FOXO3: variants seen among roughly 807,000 people sequenced by gnomAD.
The protein encoded by FOXO3 is forkhead box O3.
A neutral mutation model predicts 41.9 loss-of-function variants in FOXO3; 4 were observed. The observed-to-expected ratio is 0.10, with a 90% CI of 0.05 to 0.22. The LOEUF is 0.22. Ranked by LOEUF, FOXO3 falls within the 10% of genes least tolerant of loss-of-function variation. The pLI, the probability that FOXO3 is intolerant of heterozygous loss-of-function variation, is 1.00. For missense variants in FOXO3, 534 were observed against 906.8 expected, an observed-to-expected ratio of 0.59 and a Z score of 5.28; for synonymous variants, 318 against 389.3, an observed-to-expected ratio of 0.82 and a Z score of 2.16.
intron 1 of FOXO3, among the ~76,000 whole-genome samples, chr6:108,610,984 C>T (rs1777346422): frequency 6.6e-6 from 1 of 152,144 alleles, no homozygotes; most frequent in Non-Finnish European, 1.5e-5. Flanking sequence ...CATTTCATCG[C>T]CACAAAAAAT....
At chr6:108,660,235 A>G (rs530909899) in intron 1 of FOXO3, among the ~76,000 whole-genome samples, 13 of 152,332 alleles carry the variant, frequency 8.5e-5, no homozygotes, top group African/African-American at 3.1e-4. Flanking sequence ...AACACTGCAG[A>G]GTACATGTTG....
intron 1 of FOXO3, among the ~76,000 whole-genome samples, chr6:108,627,954 T>C (rs1777859805): frequency 6.6e-6 from 1 of 152,154 alleles, no homozygotes; most frequent in Non-Finnish European, 1.5e-5. Context: ...ATATTTAAGG[T>C]ACTTAGAGCA....
At chr6:108,645,761 G>C (rs1582810878) in intron 1 of FOXO3, among the ~76,000 whole-genome samples, 1 of 152,032 alleles carries the variant, frequency 6.6e-6, no homozygotes, top group African/African-American at 2.4e-5. Context: ...TTCTTGTTAG[G>C]TGTTTCTATT....
At chr6:108,608,843 C>G (rs1777279436) in intron 1 of FOXO3, among the ~76,000 whole-genome samples, 1 of 152,196 alleles carries the variant, frequency 6.6e-6, no homozygotes, top group Non-Finnish European at 1.5e-5. Context: ...TTATTTTTCT[C>G]TATCCCTCCC....
Position 108,659,841 on chromosome 6 carries a change from G to A in FOXO3, c.622-3614G>A, listed in dbSNP as rs145121496. Among the ~76,000 whole-genome samples the A allele has an allele frequency of 9.0e-3, 1,372 of 152,308 alleles. 11 individuals carry two copies. Among genetic ancestry groups the A allele is most frequent in the Middle Eastern group, 0.02 (6 of 294 alleles). On this transcript the variant is annotated intron_variant, in intron 1 of 2. Coordinates refer to ENST00000406360, the MANE Select transcript of FOXO3 (RefSeq NM_001455.4). Reference sequence around the variant, plus strand: ...ATAAAACTATACGCATACGTTGTTGGAGGTTAGAATTGTGATAGATGGCCA... The same window carrying A: ...ATAAAACTATACGCATACGTTGTTGAAGGTTAGAATTGTGATAGATGGCCA...
intron 1 of FOXO3, among the ~76,000 whole-genome samples, chr6:108,655,784 C>T (rs539403595): frequency 6.6e-6 from 1 of 152,332 alleles, no homozygotes; most frequent in East Asian, 1.9e-4. Flanking sequence ...ACGCAGACCT[C>T]TGGGTCTCCC....
At chr6:108,587,080 C>G (rs1326847160) in intron 1 of FOXO3, among the ~76,000 whole-genome samples, 2 of 151,660 alleles carry the variant, frequency 1.3e-5, no homozygotes, top group Non-Finnish European at 2.9e-5. Flanking sequence ...CAAAGTGCCT[C>G]TCAAAGGTGT....
At chr6:108,634,092 C>T (rs778850365) in intron 1 of FOXO3, among the ~76,000 whole-genome samples, 6 of 152,226 alleles carry the variant, frequency 3.9e-5, no homozygotes, top group South Asian at 2.1e-4. Flanking sequence ...CATTTATTGG[C>T]TATTGGCCTT....
At chr6:108,654,273 G>GA (rs1421049375) in intron 1 of FOXO3, among the ~76,000 whole-genome samples, 1 of 151,994 alleles carries the variant, frequency 6.6e-6, no homozygotes, top group African/African-American at 2.4e-5. Context: ...AACAGCTGTG[G>GA]AAGAGCTTGA....
chr6:108,584,517 T>C (rs1776521528), intron 1 of FOXO3, among the ~76,000 whole-genome samples: 1 of 152,144 alleles, frequency 6.6e-6, no homozygotes, highest in Non-Finnish European at 1.5e-5. Flanking sequence ...TGGCTTTGCT[T>C]TTGTTTGTGT....
intron 1 of FOXO3, among the ~76,000 whole-genome samples, chr6:108,579,863 A>G (rs1776359550): frequency 1.3e-5 from 2 of 152,028 alleles, no homozygotes; most frequent in Admixed American, 1.3e-4. Flanking sequence ...GAGGGACATC[A>G]CCTGCTTGAC....
intron 1 of FOXO3, among the ~76,000 whole-genome samples, chr6:108,598,288 C>T: frequency 6.6e-6 from 1 of 152,116 alleles, no homozygotes; most frequent in East Asian, 1.9e-4. Flanking sequence ...TTGGTAGTTT[C>T]TTCATCAACT....
upstream of FOXO3, chr6:108,560,895 C>G (rs969608995): frequency 1.1e-5 from 12 of 1,105,872 alleles, no homozygotes; most frequent in Non-Finnish European, 1.4e-5. Context: ...CTCGCGGCTC[C>G]ATCGCGGCCT....
chr6:108,592,779 C>T (rs114563158), intron 1 of FOXO3, among the ~76,000 whole-genome samples: 143 of 152,184 alleles, frequency 9.4e-4, no homozygotes, highest in African/African-American at 3.3e-3. Context: ...GCTGTGGCTT[C>T]GGGTTGCACA....
chr6:108,646,387 G>A (rs941517092), intron 1 of FOXO3, among the ~76,000 whole-genome samples: 2 of 152,170 alleles, frequency 1.3e-5, no homozygotes, highest in Non-Finnish European at 2.9e-5. Context: ...TAAGTCAAAG[G>A]TTGTGTGCAG....
intron 1 of FOXO3, among the ~76,000 whole-genome samples, chr6:108,568,236 C>T (rs998323227): frequency 1.4e-5 from 2 of 148,068 alleles, no homozygotes; most frequent in African/African-American, 2.5e-5. Context: ...TTTTTTAAAG[C>T]GTGTGTTCAT....
chr6:108,612,513 C>G lies in FOXO3; in HGVS notation c.621+50684C>G, dbSNP rs191399378. Among the ~76,000 whole-genome samples the G allele has an allele frequency of 2.2e-3, 339 of 152,032 alleles. 4 individuals are homozygous for G. Among genetic ancestry groups the G allele is most frequent in the Non-Finnish European group, 8.5e-4 (58 of 67,958 alleles). On this transcript the variant is annotated intron_variant, in intron 1 of 2. Coordinates refer to ENST00000406360, the MANE Select transcript of FOXO3 (RefSeq NM_001455.4). The stretch of plus-strand genomic sequence containing the variant: ...TGGCCAAGATGGTGAAACCCCATCT[C>G]TACTAGAAATACAAAAATTAGCTGG...
At chr6:108,584,835 G>C (rs1233779423) in intron 1 of FOXO3, among the ~76,000 whole-genome samples, 5 of 152,006 alleles carry the variant, frequency 3.3e-5, no homozygotes, top group Non-Finnish European at 5.9e-5. Context: ...AAGGAGCTCT[G>C]AATAGCCTCA....
At position 108,664,113 on chromosome 6, in the gene FOXO3, C is replaced by T. The variant is rs375047763; in HGVS notation, c.1280C>T (p.Thr427Ile). 1.2e-6 allele frequency: 2 copies of T among 1,614,204 alleles called. No homozygotes were observed. The highest frequency in any genetic ancestry group is 2.2e-5 in the South Asian group (2 of 91,090). ...AAGGGCTCGGGCCTGGGCTCCCCAA[C>T]CAGCTCCTTTAACAGCACGGTGTTC... The part of the protein sequence containing the change: ...TTKGSGLGSP[T>I]SSFNSTVFGP... Residue 427 changes from threonine to isoleucine, a missense_variant, in exon 2 of 3, where the codon ACC becomes ATC. Thr to Ile is a moderately conservative substitution (Grantham distance 89). Transcript: ENST00000406360.
Sources: gnomAD v4.1 joint callset for allele counts (sites outside exome capture counted in the v4.1 genomes callset) on GRCh38, gnomAD v4.1.1 for gene constraint, MANE v1.5 for transcripts, NCBI Gene and HGNC (gene_info 2026-07-23, HGNC 2026-07-21) for gene names.